HS3ST4: variants seen among roughly 807,000 people sequenced by gnomAD.
HS3ST4 encodes heparan sulfate glucosamine 3-O-sulfotransferase 4.
In HS3ST4, 17 loss-of-function variants were observed where a neutral mutation model predicts 29.2. The ratio of observed to expected loss-of-function variants is 0.58; its 90% CI spans 0.40 to 0.87. HS3ST4 has a LOEUF of 0.87. HS3ST4 is among the 40% of genes least tolerant of loss of function. The pLI, the probability that HS3ST4 is intolerant of heterozygous loss-of-function variation, is 0.00. For missense variants in HS3ST4, 627 were observed against 634.5 expected, an observed-to-expected ratio of 0.99 and a Z score of 0.13; for synonymous variants, 314 against 285.7, an observed-to-expected ratio of 1.10 and a Z score of -1.00.
At position 25,796,552 on chromosome 16, in the gene HS3ST4, C is replaced by CA. The variant is rs201258684; in HGVS notation, c.734+103410dup. Among the ~76,000 whole-genome samples the CA allele has an allele frequency of 4.2e-3, 632 of 150,592 alleles. 22 individuals are homozygous for CA. The highest frequency in any genetic ancestry group is 0.037 in the Admixed American group (561 of 15,140). On this transcript the variant is annotated intron_variant, in intron 1 of 1. Coordinates refer to ENST00000331351, the MANE Select transcript of HS3ST4 (RefSeq NM_006040.3). ...CACTGAGCAACCGAGTATGGCATTG[C>CA]AAAAAAAAATTGTAAATGACATTTA...
intron 1 of HS3ST4, among the ~76,000 whole-genome samples, chr16:25,741,501 A>C (rs1243001053): frequency 6.6e-6 from 1 of 152,048 alleles, no homozygotes; most frequent in Non-Finnish European, 1.5e-5. Context: ...TTCAGATTCA[A>C]TTCATTTGCT....
intron 1 of HS3ST4, among the ~76,000 whole-genome samples, chr16:26,085,813 G>T (rs1596675506): frequency 6.6e-6 from 1 of 151,840 alleles, no homozygotes; most frequent in Admixed American, 6.6e-5. Flanking sequence ...GATTGAAGCT[G>T]CAGTGAGCTA....
At chr16:25,844,629 TG>T (rs1472813742) in intron 1 of HS3ST4, among the ~76,000 whole-genome samples, 5 of 152,212 alleles carry the variant, frequency 3.3e-5, no homozygotes, top group African/African-American at 1.2e-4. Flanking sequence ...TCAACCATTG[TG>T]GAAGACGGTG....
At chr16:25,827,360 C>T (rs983304391) in intron 1 of HS3ST4, among the ~76,000 whole-genome samples, 5 of 152,088 alleles carry the variant, frequency 3.3e-5, no homozygotes, top group Admixed American at 1.3e-4. Context: ...ATACCCTGAT[C>T]GACACCTGCA....
chr16:26,085,930 A>G lies in HS3ST4; in HGVS notation c.735-49682A>G, dbSNP rs576439908. Among the ~76,000 whole-genome samples, 35 of 151,584 alleles carry G rather than the reference A, an allele frequency of 2.3e-4. No individual in the cohort carries two copies. In the South Asian group the frequency reaches 7.1e-3, roughly 31 times the overall value. On this transcript the variant is annotated intron_variant, in intron 1 of 1. Transcript: ENST00000331351. The stretch of plus-strand genomic sequence containing the variant: ...AATAATAACAATAATAATAAAATAA[A>G]CTTAGCCCAGCCAAGGTTCAAACCT...
intron 1 of HS3ST4, among the ~76,000 whole-genome samples, chr16:25,933,105 G>C (rs938793140): frequency 6.6e-6 from 1 of 152,084 alleles, no homozygotes; most frequent in Non-Finnish European, 1.5e-5. Context: ...TTGCTTCTCG[G>C]TATCTGTTTC....
intron 1 of HS3ST4, among the ~76,000 whole-genome samples, chr16:25,695,457 C>T (rs1255474237): frequency 6.6e-6 from 1 of 152,226 alleles, no homozygotes; most frequent in Non-Finnish European, 1.5e-5. Context: ...TGCTTTGGAC[C>T]ACTCTCCAGC....
At chr16:25,781,303 C>A (rs1442840709) in intron 1 of HS3ST4, among the ~76,000 whole-genome samples, 2 of 152,174 alleles carry the variant, frequency 1.3e-5, no homozygotes, top group African/African-American at 4.8e-5. Context: ...TGATGGGTTT[C>A]TTTGGAGTTT....
chr16:25,790,927 T>A (rs1966867871), intron 1 of HS3ST4, among the ~76,000 whole-genome samples: 1 of 152,190 alleles, frequency 6.6e-6, no homozygotes, highest in Admixed American at 6.5e-5. Flanking sequence ...TATCTTTCTT[T>A]ATAGTAAGAG....
chr16:25,860,970 G>A (rs981809941), intron 1 of HS3ST4, among the ~76,000 whole-genome samples: 5 of 152,112 alleles, frequency 3.3e-5, no homozygotes, highest in African/African-American at 7.2e-5. Flanking sequence ...GGAGGGGGAC[G>A]GGGAGGATAT....
intron 1 of HS3ST4, among the ~76,000 whole-genome samples, chr16:26,036,148 A>G (rs1415936726): frequency 1.3e-5 from 2 of 152,256 alleles, no homozygotes; most frequent in Admixed American, 1.3e-4. Context: ...TTATAGTTAT[A>G]GAAAAGCTAC....
At chr16:26,025,770 G>A (rs78714264) in intron 1 of HS3ST4, among the ~76,000 whole-genome samples, 12,566 of 151,886 alleles carry the variant, frequency 0.083, 1,198 homozygotes, top group East Asian at 0.29. Flanking sequence ...CCCTTTTTTT[G>A]TTCCTTTGTT....
chr16:26,134,363 T>TTTTC (rs796883129), intron 1 of HS3ST4, among the ~76,000 whole-genome samples: 12 of 75,918 alleles, frequency 1.6e-4, no homozygotes, highest in African/African-American at 5.2e-4. Flanking sequence ...TTTTCTTTTC[T>TTTTC]TTTTTTTTTT....
At chr16:26,095,622 T>G in intron 1 of HS3ST4, among the ~76,000 whole-genome samples, 1 of 152,224 alleles carries the variant, frequency 6.6e-6, no homozygotes, top group Non-Finnish European at 1.5e-5. Context: ...AAGCAGTATG[T>G]AGAGGGAAAT....
At chr16:26,015,939 T>G (rs1969358381) in intron 1 of HS3ST4, among the ~76,000 whole-genome samples, 1 of 151,992 alleles carries the variant, frequency 6.6e-6, no homozygotes, top group Non-Finnish European at 1.5e-5. Context: ...TTGTCACAGC[T>G]GGGGGTGGGG....
chr16:25,748,088 C>T (rs926103469), intron 1 of HS3ST4, among the ~76,000 whole-genome samples: 7 of 152,068 alleles, frequency 4.6e-5, no homozygotes, highest in Non-Finnish European at 8.8e-5. Context: ...ATTATACTTC[C>T]CTAATGATTG....
In HS3ST4 at chr16:25,741,365, T is replaced by TAAAAAAAAAA. The variant is rs66788248; in HGVS notation, c.734+48230_734+48239dup. 5.7e-3 allele frequency among the ~76,000 whole-genome samples: 377 copies of TAAAAAAAAAA among 66,176 alleles called. 22 individuals carry two copies. Among genetic ancestry groups the TAAAAAAAAAA allele is most frequent in the East Asian group, 0.05 (84 of 1,674 alleles). 43.4% of individuals were successfully genotyped at this position (66,176 alleles called of 152,430 possible). On this transcript the variant is annotated intron_variant, in intron 1 of 1. Coordinates refer to ENST00000331351, the MANE Select transcript of HS3ST4 (RefSeq NM_006040.3). ...TTAAAGGATGAGTTTGAATTCAAGG[T>TAAAAAAAAAA]AAAAAAAAAAAAAAAAAAAAAAAAA...
intron 1 of HS3ST4, among the ~76,000 whole-genome samples, chr16:26,031,558 G>A (rs1343776155): frequency 6.6e-6 from 1 of 151,998 alleles, no homozygotes; most frequent in Non-Finnish European, 1.5e-5. Flanking sequence ...TTGACTAGGC[G>A]AGTGTTAGAT....
At chr16:26,003,859 A>T (rs1359181987) in intron 1 of HS3ST4, among the ~76,000 whole-genome samples, 1 of 152,098 alleles carries the variant, frequency 6.6e-6, no homozygotes, top group Non-Finnish European at 1.5e-5. Context: ...ACACCATGCC[A>T]TGTGCCTACC....
Sources: gnomAD v4.1 joint callset for allele counts (sites outside exome capture counted in the v4.1 genomes callset) on GRCh38, gnomAD v4.1.1 for gene constraint, MANE v1.5 for transcripts, NCBI Gene and HGNC (gene_info 2026-07-23, HGNC 2026-07-21) for gene names.